The following NRP2 variants were observed in gnomAD, a reference collection of about 807,000 sequenced individuals.
The protein encoded by NRP2 is neuropilin 2.
NRP2 carries 52 observed loss-of-function variants against 110.4 expected under a neutral mutation model. The observed-to-expected ratio is 0.47, with a 90% CI of 0.38 to 0.59. NRP2 has a LOEUF of 0.59. Among genes scored for constraint, NRP2 ranks in the 20% least tolerant of loss-of-function variants. The pLI is 0.00. For missense variants in NRP2, 1,049 were observed against 1,203.0 expected, an observed-to-expected ratio of 0.87 and a Z score of 1.89; for synonymous variants, 508 against 468.9, an observed-to-expected ratio of 1.08 and a Z score of -1.08.
In NRP2 at chr2:205,727,959, G is replaced by C. The variant is rs376340891; in HGVS notation, c.1059G>C (p.Gln353His). Reference protein sequence around the residue: ...ATQGAISRETQNGYYVKSYKL... With the variant: ...ATQGAISRETHNGYYVKSYKL... ...AGGGAGCGATTTCCAGGGAAACACA[G>C]AATGGCTACTATGTCAAATCCTACA... Residue 353 changes from glutamine (Q) to histidine (H), a missense_variant, in exon 7 of 17, where the codon CAG (glutamine) becomes CAC (histidine). Gln to His is a conservative substitution (Grantham distance 24, BLOSUM62 0). Transcript: ENST00000357785. 6.6e-5 allele frequency: 107 copies of C among 1,614,066 alleles called. No homozygotes were observed. The highest frequency in any genetic ancestry group is 8.9e-5 in the Non-Finnish European group (105 of 1,180,054).
chr2:205,755,793 G>A (rs1186884225), intron 12 of NRP2, among the ~76,000 whole-genome samples: 1 of 152,030 alleles, frequency 6.6e-6, no homozygotes. Context: ...CTTCACGAGC[G>A]TGTGCCATAT....
At chr2:205,714,617 C>A (rs2056858383) in intron 2 of NRP2, among the ~76,000 whole-genome samples, 1 of 152,180 alleles carries the variant, frequency 6.6e-6, no homozygotes, top group Admixed American at 6.5e-5. Context: ...AAACCACAGA[C>A]CTAAACAGAT....
At chr2:205,685,007 G>A (rs1318894513) in intron 1 of NRP2, among the ~76,000 whole-genome samples, 1 of 151,952 alleles carries the variant, frequency 6.6e-6, no homozygotes, top group Admixed American at 6.5e-5. Flanking sequence ...CAGGTTCCGT[G>A]TGCTGTGCGG....
intron 2 of NRP2, among the ~76,000 whole-genome samples, chr2:205,707,252 A>G (rs1339448744): frequency 6.6e-6 from 1 of 152,280 alleles, no homozygotes; most frequent in Non-Finnish European, 1.5e-5. Flanking sequence ...ATGATGCTTC[A>G]GAATGCAGCT....
At chr2:205,794,142 G>A (rs1172545864) in intron 16 of NRP2, among the ~76,000 whole-genome samples, 6 of 152,038 alleles carry the variant, frequency 3.9e-5, no homozygotes, top group African/African-American at 9.7e-5. Flanking sequence ...ACGGAGTCTC[G>A]CTCTGTCACC....
chr2:205,742,313 G>T (rs1010246325), intron 8 of NRP2, among the ~76,000 whole-genome samples: 1 of 152,158 alleles, frequency 6.6e-6, no homozygotes, highest in African/African-American at 2.4e-5. Flanking sequence ...ACTGGGAATG[G>T]GACATAGAGA....
In NRP2 at chr2:205,795,230, C is replaced by A; in HGVS notation, c.*172C>A. ...AGTCGCAGGAGGAAGGGAGATGCAG[C>A]CGCACAGGGGATGATTACCCTCCTA... On this transcript the variant is annotated 3_prime_UTR_variant, in exon 17 of 17. Transcript: ENST00000357785. 1 of 725,860 alleles carries A rather than the reference C, an allele frequency of 1.4e-6. No individual in the cohort carries two copies. The highest frequency in any genetic ancestry group is 2.4e-6 in the Non-Finnish European group (1 of 422,692). 45.0% of individuals were successfully genotyped at this position (725,860 alleles called of 1,614,324 possible).
At chr2:205,708,621 G>A (rs1193981363) in intron 2 of NRP2, among the ~76,000 whole-genome samples, 2 of 152,170 alleles carry the variant, frequency 1.3e-5, no homozygotes, top group African/African-American at 2.4e-5. Context: ...GGGCCTTTGC[G>A]GAAAAAGAGC....
At chr2:205,702,733 C>T (rs2105752822) in intron 2 of NRP2, among the ~76,000 whole-genome samples, 1 of 152,342 alleles carries the variant, frequency 6.6e-6, no homozygotes, top group East Asian at 1.9e-4. Flanking sequence ...CCTCCCCATT[C>T]AGCCAGCAGT....
At chr2:205,735,762 C>G (rs758849325) in intron 7 of NRP2, among the ~76,000 whole-genome samples, 79 of 152,032 alleles carry the variant, frequency 5.2e-4, no homozygotes, top group Non-Finnish European at 7.8e-4. Context: ...TCAGAGGTCT[C>G]AAGAATCAAT....
At position 205,708,224 on chromosome 2, in the gene NRP2, C is replaced by G. The variant is rs117933531; in HGVS notation, c.252-7969C>G. 4.9e-4 allele frequency among the ~76,000 whole-genome samples: 74 copies of G among 152,316 alleles called. No individual in the cohort carries two copies. The East Asian group carries it at 0.014, about 28-fold the overall frequency. On this transcript the variant is annotated intron_variant, in intron 2 of 16. Transcript: ENST00000357785. ...ACCAACGAAAGACCCAACACTCATG[C>G]TGAAAGCAGCCTGCCCCCAAAGCCT...
At position 205,686,855 on chromosome 2, in the gene NRP2, G is replaced by T. The variant is rs896203644; in HGVS notation, c.73+3492G>T. Among the ~76,000 whole-genome samples, 1 of 152,162 alleles carries T rather than the reference G, an allele frequency of 6.6e-6. No individual in the cohort carries two copies. The highest frequency in any genetic ancestry group is 1.5e-5 in the Non-Finnish European group (1 of 68,026). ...TTCTTTCGGTTTCAGACAGAGAGGAGAGCCCCCTGGCGCTAGCCATTCCCG... is the reference window on the plus strand; with the variant it reads ...TTCTTTCGGTTTCAGACAGAGAGGATAGCCCCCTGGCGCTAGCCATTCCCG... On this transcript the variant is annotated intron_variant, in intron 1 of 16. Transcript: ENST00000357785. The surrounding 1 kb of genome is among the most constrained non-coding windows in gnomAD (Gnocchi z 4.7).
chr2:205,795,672 G>A lies in NRP2; in HGVS notation c.*614G>A, dbSNP rs2058346125. The stretch of plus-strand genomic sequence containing the variant: ...TGCCATTTCCAGTCCTAGCATTTAA[G>A]TAGGATGTTGTTGCCTTTAACTTTT... On this transcript the variant is annotated 3_prime_UTR_variant, in exon 17 of 17. Coordinates refer to ENST00000357785, the MANE Select transcript of NRP2 (RefSeq NM_003872.3). 1 of 152,640 alleles carries A rather than the reference G, an allele frequency of 6.6e-6. No homozygotes were observed. The highest frequency in any genetic ancestry group is 1.5e-5 in the Non-Finnish European group (1 of 68,052). 9.5% of individuals were successfully genotyped at this position (152,640 alleles called of 1,614,324 possible). A position where few individuals can be genotyped will look rare whatever the true frequency, so the allele number is the denominator to read the frequency against.
At position 205,743,831 on chromosome 2, in the gene NRP2, C is replaced by A. The variant is rs561121608; in HGVS notation, c.1641+279C>A. 1.7e-5 allele frequency: 8 copies of A among 472,298 alleles called. No individual in the cohort carries two copies. In the South Asian group the frequency reaches 2.2e-4, roughly 13 times the overall value. The allele number at this position is 472,298 out of a possible 1,614,324, so 29.3% of individuals were successfully genotyped here. A position where few individuals can be genotyped will look rare whatever the true frequency, so the allele number is the denominator to read the frequency against. ...TGTTCTCGGCTCACTGCAACCTCCG[C>A]CTCCAGGGTTCAAGCGATTCTCCAG... On this transcript the variant is annotated intron_variant, in intron 9 of 16. Transcript: ENST00000357785.
rs1575693321 is a variant in NRP2 at position 205,795,880 on chromosome 2, G to A, written c.*822G>A. ...TAATTCTAGACCCACAGTGTCTGGT[G>A]GTGGGGCTTCCCTTGTGGGGCTTCT... On this transcript the variant is annotated 3_prime_UTR_variant, in exon 17 of 17. Coordinates refer to ENST00000357785, the MANE Select transcript of NRP2 (RefSeq NM_003872.3). The A allele has an allele frequency of 1.3e-5, 2 of 152,698 alleles. No individual in the cohort carries two copies. Among genetic ancestry groups the A allele is most frequent in the Admixed American group, 1.3e-4 (2 of 15,308 alleles). The allele number at this position is 152,698 out of a possible 1,614,324, so 9.5% of individuals were successfully genotyped here.
At chr2:205,759,652 C>A (rs2057789532) in intron 12 of NRP2, 1 of 152,214 alleles carries the variant, frequency 6.6e-6, no homozygotes, top group African/African-American at 2.4e-5. Flanking sequence ...GGGAACCAGT[C>A]TTTGTCCAGA....
chr2:205,758,408 T>G (rs988784984), intron 12 of NRP2, among the ~76,000 whole-genome samples: 4 of 152,204 alleles, frequency 2.6e-5, no homozygotes, highest in African/African-American at 9.7e-5. Flanking sequence ...TAGACACAAC[T>G]GATTCCATTG....
At chr2:205,719,341 A>G (rs958359541) in intron 3 of NRP2, among the ~76,000 whole-genome samples, 2 of 152,188 alleles carry the variant, frequency 1.3e-5, no homozygotes, top group African/African-American at 4.8e-5. Context: ...TGGAAGGTTC[A>G]TGTCTGCCCT....
At position 205,795,060 on chromosome 2, in the gene NRP2, G is replaced by A. The variant is rs7583846; in HGVS notation, c.*2G>A. On this transcript the variant is annotated 3_prime_UTR_variant, in exon 17 of 17. Transcript: ENST00000357785. ...CAAAAGTGCTGCTCCGAGGCATGAC[G>A]GATTGCACCTGAATCCTATCTGACG... The A allele has an allele frequency of 7.8e-5, 126 of 1,613,432 alleles. 1 individual carries two copies. The highest frequency in any genetic ancestry group is 5.2e-4 in the South Asian group (47 of 90,958).
Sources: gnomAD v4.1 joint callset for allele counts (sites outside exome capture counted in the v4.1 genomes callset) on GRCh38, gnomAD v4.1.1 for gene constraint, Gnocchi (gnomAD v3.1) non-coding constraint, MANE v1.5 for transcripts, NCBI Gene and HGNC (gene_info 2026-07-23, HGNC 2026-07-21) for gene names.